SORCS2: variants seen among roughly 807,000 people sequenced by gnomAD.
SORCS2 encodes the protein sortilin related VPS10 domain containing receptor 2.
In SORCS2, 100 loss-of-function variants were observed where a neutral mutation model predicts 141.6. That is an observed-to-expected ratio of 0.71 (90% confidence interval 0.60 to 0.83). The LOEUF is 0.83. Ranked by LOEUF, SORCS2 falls within the 40% of genes least tolerant of loss-of-function variation. The probability of loss-of-function intolerance (pLI) is 0.00; values close to 1 mark genes in which losing one functional copy is unlikely to be tolerated. For missense variants in SORCS2, 1,646 were observed against 1,560.2 expected, an observed-to-expected ratio of 1.05 and a Z score of -0.93; for synonymous variants, 789 against 676.9, an observed-to-expected ratio of 1.17 and a Z score of -2.57.
intron 1 of SORCS2, among the ~76,000 whole-genome samples, chr4:7,207,482 A>G (rs1276016054): frequency 6.6e-6 from 1 of 152,092 alleles, no homozygotes; most frequent in Non-Finnish European, 1.5e-5. Context: ...GGAGGCGGGC[A>G]GGTTCAGTGG....
chr4:7,523,044 CCCTCCTT>C lies in SORCS2; in HGVS notation c.549-8480_549-8474del, dbSNP rs1224258676. Among the ~76,000 whole-genome samples, 16 of 150,376 alleles carry C rather than the reference CCCTCCTT, an allele frequency of 1.1e-4. No homozygotes were observed. In the South Asian group the frequency reaches 2.8e-3, roughly 26 times the overall value. On this transcript the variant is annotated intron_variant, in intron 2 of 26. Coordinates refer to ENST00000507866, the MANE Select transcript of SORCS2 (RefSeq NM_020777.3). ...ACTCCCTCCCTCTTCCCTCCCTCCT[CCCTCCTT>C]CCTCCCCTTCTCTCCCCTTTCCTTC... is the stretch of plus-strand genomic sequence containing the variant.
chr4:7,666,063 G>A (rs1722484529), intron 7 of SORCS2, among the ~76,000 whole-genome samples: 1 of 152,124 alleles, frequency 6.6e-6, no homozygotes, highest in African/African-American at 2.4e-5. Context: ...GTGAGGAGGT[G>A]AGGTCCTGCT....
intron 2 of SORCS2, among the ~76,000 whole-genome samples, chr4:7,408,416 G>A (rs1204450869): frequency 2.0e-5 from 3 of 151,398 alleles, no homozygotes; most frequent in Non-Finnish European, 2.9e-5. Context: ...CTTTGAAAAT[G>A]TCTTTCCACT....
At chr4:7,488,686 T>C (rs7685032) in intron 2 of SORCS2, among the ~76,000 whole-genome samples, 76,912 of 152,066 alleles carry the variant, frequency 0.51, 19,479 homozygotes, top group African/African-American at 0.55. Flanking sequence ...GAGGGACCCA[T>C]GAGTGTCTCA....
chr4:7,380,413 T>C (rs1193929707), intron 1 of SORCS2, among the ~76,000 whole-genome samples: 1 of 152,246 alleles, frequency 6.6e-6, no homozygotes, highest in Non-Finnish European at 1.5e-5. Context: ...GAGCTCCCCG[T>C]CACCGGACTC....
rs1314551504 is a variant in SORCS2 at position 7,704,287 on chromosome 4, G to T, written c.1868+3G>T. 1.2e-6 allele frequency: 2 copies of T among 1,607,486 alleles called. No homozygotes were observed. Among genetic ancestry groups the T allele is most frequent in the Non-Finnish European group, 1.7e-6 (2 of 1,177,224 alleles). On this transcript the variant is annotated splice_donor_region_variant and intron_variant, in intron 14 of 26. Coordinates refer to ENST00000507866, the MANE Select transcript of SORCS2 (RefSeq NM_020777.3). The stretch of plus-strand genomic sequence containing the variant: ...GGGGACGAGACGCTGGTCATGACGT[G>T]AGTGCGGGGACCGGGGAGTGGGCAC...
intron 1 of SORCS2, among the ~76,000 whole-genome samples, chr4:7,231,579 A>C (rs761819381): frequency 6.6e-6 from 1 of 152,184 alleles, no homozygotes; most frequent in Non-Finnish European, 1.5e-5. Context: ...TCATTCACTT[A>C]GCAAATGTTT....
intron 1 of SORCS2, among the ~76,000 whole-genome samples, chr4:7,365,651 C>T (rs1026840245): frequency 6.6e-5 from 10 of 152,230 alleles, no homozygotes; most frequent in Non-Finnish European, 4.4e-5. Flanking sequence ...CGCCCAACAG[C>T]TGCTGACACT....
At chr4:7,259,182 C>G (rs541176098) in intron 1 of SORCS2, among the ~76,000 whole-genome samples, 1 of 152,252 alleles carries the variant, frequency 6.6e-6, no homozygotes, top group South Asian at 2.1e-4. Context: ...TCTTTAAATT[C>G]TATTAACCAT....
chr4:7,308,618 A>C (rs1400741234), intron 1 of SORCS2, among the ~76,000 whole-genome samples: 2 of 152,122 alleles, frequency 1.3e-5, no homozygotes, highest in Non-Finnish European at 2.9e-5. Flanking sequence ...CAGCAACCTC[A>C]GGGCAGTTCC....
chr4:7,208,884 C>T (rs571673421), intron 1 of SORCS2, among the ~76,000 whole-genome samples: 16 of 152,352 alleles, frequency 1.1e-4, no homozygotes, highest in South Asian at 2.1e-4. Flanking sequence ...GTCTGTGTGA[C>T]GCCAACCTGG....
At position 7,457,196 on chromosome 4, in the gene SORCS2, G is replaced by T. The variant is rs73796595; in HGVS notation, c.548+60841G>T. Among the ~76,000 whole-genome samples, 1,103 of 152,318 alleles carry T rather than the reference G, an allele frequency of 7.2e-3. 19 individuals carry two copies. Among genetic ancestry groups the T allele is most frequent in the African/African-American group, 0.024 (1,016 of 41,572 alleles). On this transcript the variant is annotated intron_variant, in intron 2 of 26. Transcript: ENST00000507866. ...CCGCCACCAGTTAGCTTTTCCCAAGGCATATTCTGTCTTCCCAGCCGCCAT... is the reference window on the plus strand; with the variant it reads ...CCGCCACCAGTTAGCTTTTCCCAAGTCATATTCTGTCTTCCCAGCCGCCAT...
At chr4:7,492,798 C>T (rs1485278633) in intron 2 of SORCS2, among the ~76,000 whole-genome samples, 1 of 152,164 alleles carries the variant, frequency 6.6e-6, no homozygotes, top group Non-Finnish European at 1.5e-5. Flanking sequence ...GCCAGGCTTC[C>T]AGGAGTTAAC....
At position 7,664,990 on chromosome 4, in the gene SORCS2, C is replaced by G. The variant is rs1722414082; in HGVS notation, c.1071+519C>G. On this transcript the variant is annotated intron_variant, in intron 7 of 26. Coordinates refer to ENST00000507866, the MANE Select transcript of SORCS2 (RefSeq NM_020777.3). The surrounding 1 kb of genome is among the most constrained non-coding windows in gnomAD (Gnocchi z 4.7). ...ACCTTCATGGATGGGGAGCTCAGCC[C>G]TCCCGAAACAGCCTAGCCCTCTGCT... Among the ~76,000 whole-genome samples the G allele has an allele frequency of 6.6e-6, 1 of 152,352 alleles. No homozygotes were observed. The highest frequency in any genetic ancestry group is 2.1e-4 in the South Asian group (1 of 4,830).
chr4:7,389,045 G>A (rs553433933), intron 1 of SORCS2, among the ~76,000 whole-genome samples: 2 of 152,248 alleles, frequency 1.3e-5, no homozygotes, highest in South Asian at 2.1e-4. Context: ...GGTTCTGCCC[G>A]TGCCCCACTG....
At chr4:7,571,370 G>C (rs1715379202) in intron 3 of SORCS2, among the ~76,000 whole-genome samples, 1 of 152,190 alleles carries the variant, frequency 6.6e-6, no homozygotes, top group African/African-American at 2.4e-5. Context: ...CAAGGGCAAA[G>C]ACTCAGAGGT....
chr4:7,401,950 G>A (rs1341555754), intron 2 of SORCS2, among the ~76,000 whole-genome samples: 1 of 152,186 alleles, frequency 6.6e-6, no homozygotes, highest in African/African-American at 2.4e-5. Flanking sequence ...ACCATGGTAG[G>A]ACACATGCCC....
At chr4:7,210,325 A>T in intron 1 of SORCS2, among the ~76,000 whole-genome samples, 1 of 152,212 alleles carries the variant, frequency 6.6e-6, no homozygotes, top group East Asian at 1.9e-4. Context: ...TCTGTGGCTC[A>T]GGCTGGAGTG....
chr4:7,380,947 T>C (rs1206414032), intron 1 of SORCS2, among the ~76,000 whole-genome samples: 1 of 152,136 alleles, frequency 6.6e-6, no homozygotes, highest in South Asian at 2.1e-4. Flanking sequence ...CTGGGTGTGG[T>C]GGCAGGTGCC....
Sources: gnomAD v4.1 joint callset for allele counts (sites outside exome capture counted in the v4.1 genomes callset) on GRCh38, gnomAD v4.1.1 for gene constraint, Gnocchi (gnomAD v3.1) non-coding constraint, MANE v1.5 for transcripts, NCBI Gene and HGNC (gene_info 2026-07-23, HGNC 2026-07-21) for gene names.